FHIP1A: variants seen among roughly 807,000 people sequenced by gnomAD.
FHIP1A encodes FHF complex subunit HOOK interacting protein 1A, also known as FHF complex subunit HOOK-interacting protein 1A.
Under a neutral mutation model 88.6 loss-of-function variants are expected in FHIP1A, and 61 were observed. That is an observed-to-expected ratio of 0.69 (90% CI 0.56 to 0.85). The LOEUF is 0.85. Among genes scored for constraint, FHIP1A ranks in the 40% least tolerant of loss-of-function variants. FHIP1A has a pLI of 0.00. For missense variants in FHIP1A, 1,154 were observed against 1,273.5 expected (o/e 0.91, Z 1.43); for synonymous variants, 478 against 496.0 (o/e 0.96, Z 0.48).
At chr4:151,435,165 TAAC>T (rs1442779954) in intron 1 of FHIP1A, among the ~76,000 whole-genome samples, 3 of 108,142 alleles carry the variant, frequency 2.8e-5, no homozygotes, top group African/African-American at 7.1e-5. Flanking sequence ...ACATTGTTGC[TAAC>T]TATAGTCCTA....
At chr4:151,629,024 C>CCAGGTAG (rs1245319033) in intron 7 of FHIP1A, among the ~76,000 whole-genome samples, 1 of 152,102 alleles carries the variant, frequency 6.6e-6, no homozygotes, top group Non-Finnish European at 1.5e-5. Flanking sequence ...GAAAATTACA[C>CCAGGTAG]CAGGTAGCAT....
chr4:151,451,033 C>T (rs551504995), intron 1 of FHIP1A, among the ~76,000 whole-genome samples: 3 of 152,244 alleles, frequency 2.0e-5, no homozygotes, highest in African/African-American at 7.2e-5. Flanking sequence ...CCTGCTAGGC[C>T]TCCCAGAGTG....
At chr4:151,464,845 TA>T (rs1377147288) in intron 2 of FHIP1A, among the ~76,000 whole-genome samples, 2 of 152,084 alleles carry the variant, frequency 1.3e-5, no homozygotes, top group African/African-American at 4.8e-5. Context: ...TCTAATTGTG[TA>T]GATCAGTGAT....
At chr4:151,648,785 C>A (rs1414244598) in intron 10 of FHIP1A, among the ~76,000 whole-genome samples, 2 of 151,446 alleles carry the variant, frequency 1.3e-5, no homozygotes, top group South Asian at 2.1e-4. Context: ...GTCTTTTTCT[C>A]TTGAGGGAAA....
At chr4:151,481,697 AT>A (rs1411090465) in intron 2 of FHIP1A, among the ~76,000 whole-genome samples, 1 of 152,110 alleles carries the variant, frequency 6.6e-6, no homozygotes. Flanking sequence ...TCCTTAAAAA[AT>A]GTACTCTCTT....
intron 3 of FHIP1A, among the ~76,000 whole-genome samples, chr4:151,515,602 A>C (rs1387056769): frequency 1.3e-5 from 2 of 152,248 alleles, no homozygotes; most frequent in African/African-American, 4.8e-5. Flanking sequence ...AACTTCAGCA[A>C]AGTCTCAGGA....
At chr4:151,637,966 C>T (rs1307315456) in intron 8 of FHIP1A, among the ~76,000 whole-genome samples, 1 of 152,098 alleles carries the variant, frequency 6.6e-6, no homozygotes, top group Non-Finnish European at 1.5e-5. Flanking sequence ...TTAAATGGGC[C>T]AGTATGATTG....
At chr4:151,636,548 G>A (rs1736363176) in intron 8 of FHIP1A, among the ~76,000 whole-genome samples, 1 of 151,908 alleles carries the variant, frequency 6.6e-6, no homozygotes, top group African/African-American at 2.4e-5. Flanking sequence ...GTCTAGTAAG[G>A]TTGCAGATAC....
rs554831833 is a variant in FHIP1A at position 151,492,430 on chromosome 4, A to G, written c.-123+9782A>G. ...AATATGGTGAAACCCCGTCTCTACT[A>G]AAAATACAAAAATTAGCTGGGTGTT... On this transcript the variant is annotated intron_variant, in intron 3 of 13. Coordinates refer to ENST00000435205, the MANE Select transcript of FHIP1A (RefSeq NM_001109977.3). Among the ~76,000 whole-genome samples, 23 of 152,048 alleles carry G rather than the reference A, an allele frequency of 1.5e-4. 1 individual carries two copies. Among genetic ancestry groups the G allele is most frequent in the African/African-American group, 5.3e-4 (22 of 41,466 alleles).
chr4:151,432,663 A>G (rs1157897225), intron 1 of FHIP1A, among the ~76,000 whole-genome samples: 1 of 152,208 alleles, frequency 6.6e-6, no homozygotes, highest in African/African-American at 2.4e-5. Flanking sequence ...TGATCAATGT[A>G]TGAACAAAGT....
chr4:151,603,194 T>C (rs1432514604), intron 7 of FHIP1A, among the ~76,000 whole-genome samples: 1 of 151,954 alleles, frequency 6.6e-6, no homozygotes, highest in Non-Finnish European at 1.5e-5. Context: ...GTGCCTGTAG[T>C]CCCAGCTACT....
At chr4:151,581,846 C>T (rs966983897) in intron 5 of FHIP1A, among the ~76,000 whole-genome samples, 3 of 152,170 alleles carry the variant, frequency 2.0e-5, no homozygotes, top group East Asian at 3.9e-4. Flanking sequence ...TTCAGGAAAT[C>T]GGACCACTTT....
At chr4:151,565,939 T>G (rs1733368731) in intron 3 of FHIP1A, among the ~76,000 whole-genome samples, 199 bp from the exon 4 acceptor site, 1 of 152,004 alleles carries the variant, frequency 6.6e-6, no homozygotes, top group African/African-American at 2.4e-5. Flanking sequence ...GTATCTTAGC[T>G]AGCATTATTA....
Position 151,527,876 on chromosome 4 carries a change from C to G in FHIP1A, c.-122-38262C>G, listed in dbSNP as rs1731737206. 3.3e-5 allele frequency among the ~76,000 whole-genome samples: 5 copies of G among 150,630 alleles called. No individual in the cohort carries two copies. The South Asian group carries it at 1.1e-3, about 32-fold the overall frequency. On this transcript the variant is annotated intron_variant, in intron 3 of 13. Transcript: ENST00000435205. ...ATTTTATTTATAGGCTGCAAAAAAC[C>G]ACTCAATGAAGTTGGTTGTGATTCA...
At chr4:151,427,043 T>C (rs775497593) in intron 1 of FHIP1A, among the ~76,000 whole-genome samples, 2 of 152,116 alleles carry the variant, frequency 1.3e-5, no homozygotes, top group Non-Finnish European at 2.9e-5. Context: ...TGCTTCAGCA[T>C]ATGTGTTATA....
At chr4:151,515,861 A>AGGG (rs1345352192) in intron 3 of FHIP1A, among the ~76,000 whole-genome samples, 2 of 152,188 alleles carry the variant, frequency 1.3e-5, no homozygotes, top group African/African-American at 4.8e-5. Flanking sequence ...TATCGTGAAA[A>AGGG]TGGCCATACT....
At chr4:151,535,433 A>G (rs1732032376) in intron 3 of FHIP1A, among the ~76,000 whole-genome samples, 1 of 152,236 alleles carries the variant, frequency 6.6e-6, no homozygotes, top group Non-Finnish European at 1.5e-5. Context: ...GAATATACAG[A>G]TAAACAAAAC....
rs1578882441 is a variant in FHIP1A, at chr4:151,665,971, C to T, written c.*3217C>T. Among the ~76,000 whole-genome samples the T allele has an allele frequency of 1.3e-5, 2 of 152,174 alleles. No homozygotes were observed. The highest frequency in any genetic ancestry group is 6.5e-5 in the Admixed American group (1 of 15,288). On this transcript the variant is annotated 3_prime_UTR_variant, in exon 14 of 14. Transcript: ENST00000435205. The stretch of plus-strand genomic sequence containing the variant: ...CGCAGCCCCTGAGCTGGCGTCACTG[C>T]GTCTGGCCTGGGCAGGAAAGGTGAG...
At chr4:151,496,665 A>G (rs1730472284) in intron 3 of FHIP1A, among the ~76,000 whole-genome samples, 2 of 146,462 alleles carry the variant, frequency 1.4e-5, no homozygotes, top group South Asian at 4.3e-4. Flanking sequence ...TGATTTTCCC[A>G]TCTCAGTCAC....
Sources: gnomAD v4.1 joint callset for allele counts (sites outside exome capture counted in the v4.1 genomes callset) on GRCh38, gnomAD v4.1.1 for gene constraint, MANE v1.5 for transcripts, NCBI Gene and HGNC (gene_info 2026-07-23, HGNC 2026-07-21) for gene names.